The following PHEX variants were observed in gnomAD, a reference collection of about 807,000 sequenced individuals.
PHEX encodes the protein phosphate regulating endopeptidase X-linked.
PHEX carries 16 observed loss-of-function variants against 68.0 expected under a neutral mutation model. That is an observed-to-expected ratio of 0.24 (90% confidence interval 0.16 to 0.36). The LOEUF is 0.36. Among genes scored for constraint, PHEX ranks in the 10% least tolerant of loss-of-function variants. The probability of loss-of-function intolerance (pLI) is 1.00; values close to 1 mark genes in which losing one functional copy is unlikely to be tolerated. For missense variants in PHEX, 480 were observed against 575.5 expected (o/e 0.83, Z 1.70); for synonymous variants, 208 against 205.1 (o/e 1.01, Z -0.12).
chrX:22,143,211 A>G (rs1310069847), intron 12 of PHEX, among the ~76,000 whole-genome samples: 1 of 112,306 alleles, frequency 8.9e-6, no homozygotes, highest in Non-Finnish European at 1.9e-5. Flanking sequence ...ATAAGCTCTC[A>G]TGCTCAATAG....
chrX:22,122,527 C>A (rs1040339765), intron 11 of PHEX, among the ~76,000 whole-genome samples: 6 of 112,072 alleles, frequency 5.4e-5, no homozygotes, highest in Non-Finnish European at 9.4e-5. Context: ...CCAACATGGG[C>A]AAATCAGTTA....
rs772440222 is a variant in PHEX, at chrX:22,107,250, A to G, written c.1080-4217A>G. On this transcript the variant is annotated intron_variant, in intron 9 of 21. Transcript: ENST00000379374. Reference sequence around the variant, plus strand: ...TTCTCAAACCCCAGTATACTTTGCCATACTACATCTTCCACCACCACCATT... The same window carrying G: ...TTCTCAAACCCCAGTATACTTTGCCGTACTACATCTTCCACCACCACCATT... 5.4e-5 allele frequency among the ~76,000 whole-genome samples: 6 copies of G among 112,074 alleles called. No individual in the cohort carries two copies. In the South Asian group the frequency reaches 2.2e-3, roughly 42 times the overall value.
At chrX:22,101,340 A>G (rs923857817) in intron 9 of PHEX, among the ~76,000 whole-genome samples, 15 of 112,317 alleles carry the variant, frequency 1.3e-4, no homozygotes, top group African/African-American at 4.8e-4. Context: ...TTTGCAGACT[A>G]TGGTGATGTT....
At chrX:22,210,383 T>C (rs1168017401) in intron 15 of PHEX, among the ~76,000 whole-genome samples, 2 of 111,800 alleles carry the variant, frequency 1.8e-5, no homozygotes, top group Admixed American at 1.9e-4. Flanking sequence ...TGTAAAGAGG[T>C]TGGCAATGGA....
chrX:22,053,731 C>G (rs1927944038), intron 3 of PHEX, among the ~76,000 whole-genome samples: 1 of 111,926 alleles, frequency 8.9e-6, no homozygotes, highest in Non-Finnish European at 1.9e-5. Context: ...CAGATCATCT[C>G]TATTACGGAA....
chrX:22,119,993 C>T (rs5951700), intron 11 of PHEX, among the ~76,000 whole-genome samples: 7,043 of 111,173 alleles, frequency 0.063, 556 homozygotes, highest in African/African-American at 0.22. Context: ...AAGGTTCCAA[C>T]GAAGGCCAGG....
intron 2 of PHEX, among the ~76,000 whole-genome samples, chrX:22,043,731 T>C (rs178716): frequency 0.2 from 22,199 of 111,249 alleles, 1,789 homozygotes; most frequent in Admixed American, 0.3. Context: ...TTAGGGAGGA[T>C]GCCTCCACCT....
chrX:22,220,537 C>G (rs1486757279), intron 17 of PHEX, among the ~76,000 whole-genome samples: 1 of 111,902 alleles, frequency 8.9e-6, no homozygotes, highest in African/African-American at 3.2e-5. Context: ...TTTCTTCGTT[C>G]TGGACCTCTC....
At chrX:22,112,594 A>G (rs780271586) in intron 10 of PHEX, among the ~76,000 whole-genome samples, 17 of 111,390 alleles carry the variant, frequency 1.5e-4, no homozygotes, top group Non-Finnish European at 2.4e-4. Flanking sequence ...CTTTGACCCT[A>G]TAAAGTCACT....
chrX:22,197,816 A>G lies in PHEX; in HGVS notation c.1645+7314A>G, dbSNP rs1457796731. Among the ~76,000 whole-genome samples the G allele has an allele frequency of 7.2e-5, 8 of 110,568 alleles. No individual in the cohort carries two copies. The Admixed American group carries it at 7.9e-4, about 11-fold the overall frequency. On this transcript the variant is annotated intron_variant, in intron 15 of 21. Coordinates refer to ENST00000379374, the MANE Select transcript of PHEX (RefSeq NM_000444.6). ...ATAACTTTGTGTGGTTTAGTGGTTA[A>G]GGGTGTGAGCTCTGAAGTATGACAG...
At chrX:22,232,134 C>CTGTT (rs764269468) in intron 20 of PHEX, among the ~76,000 whole-genome samples, 7 of 111,676 alleles carry the variant, frequency 6.3e-5, no homozygotes, top group Non-Finnish European at 5.6e-5. Flanking sequence ...GTCTGAGAGA[C>CTGTT]TGTTTGTTAT....
chrX:22,199,426 C>A (rs886724381), intron 15 of PHEX, among the ~76,000 whole-genome samples: 3 of 112,176 alleles, frequency 2.7e-5, no homozygotes, highest in African/African-American at 9.7e-5. Context: ...TACCTATGGG[C>A]AACCAAGTTC....
chrX:22,053,485 A>T (rs1029629038), intron 3 of PHEX, among the ~76,000 whole-genome samples: 6 of 111,727 alleles, frequency 5.4e-5, no homozygotes, highest in Non-Finnish European at 9.4e-5. Context: ...ATTACTTCCT[A>T]TTCTCTCCAA....
At chrX:22,205,815 T>C (rs1451105909) in intron 15 of PHEX, among the ~76,000 whole-genome samples, 3 of 111,994 alleles carry the variant, frequency 2.7e-5, no homozygotes, top group Non-Finnish European at 5.6e-5. Flanking sequence ...AAATTAATGC[T>C]GCAGTAAAGT....
intron 14 of PHEX, among the ~76,000 whole-genome samples, 182 bp downstream of exon 14, chrX:22,178,558 A>G (rs1413736395): frequency 1.8e-5 from 2 of 111,669 alleles, no homozygotes; most frequent in Non-Finnish European, 3.8e-5. Flanking sequence ...TTCAGATCTT[A>G]AGTCTAATTA....
intron 2 of PHEX, among the ~76,000 whole-genome samples, chrX:22,045,174 ATATC>A (rs1927472788): frequency 1.8e-5 from 2 of 111,709 alleles, no homozygotes; most frequent in Non-Finnish European, 1.9e-5. Context: ...GGCTGGAGAA[ATATC>A]TAGCCTTATT....
At chrX:22,148,344 C>T (rs1932764693) in intron 12 of PHEX, among the ~76,000 whole-genome samples, 1 of 111,423 alleles carries the variant, frequency 9.0e-6, no homozygotes, top group Non-Finnish European at 1.9e-5. Flanking sequence ...TCTCAGAAGT[C>T]TCAGAATATA....
intron 12 of PHEX, among the ~76,000 whole-genome samples, chrX:22,136,053 T>TCC (rs1328770188): frequency 2.0e-5 from 2 of 102,282 alleles, no homozygotes; most frequent in East Asian, 3.0e-4. Context: ...TTTTTTTTTT[T>TCC]CCCCTCAAAA....
Position 22,249,455 on chromosome X carries a change from A to AAATATATATATAT in PHEX, c.*1503_*1504insATATATATATATA. 1.7e-3 allele frequency: 69 copies of AAATATATATATAT among 39,726 alleles called. No individual in the cohort carries two copies. The highest frequency in any genetic ancestry group is 2.1e-3 in the Non-Finnish European group (52 of 24,445). The allele number at this position is 39,726 out of a possible 1,213,427, so 3.3% of individuals were successfully genotyped here. A position where few individuals can be genotyped will look rare whatever the true frequency, so the allele number is the denominator to read the frequency against. On this transcript the variant is annotated 3_prime_UTR_variant, in exon 22 of 22. Coordinates refer to ENST00000379374, the MANE Select transcript of PHEX (RefSeq NM_000444.6). ...TTGTGATTCTTTTAAAAAAAAAAAAAATATATATATATATATATATATATA... is the reference window on the plus strand; with the variant it reads ...TTGTGATTCTTTTAAAAAAAAAAAAAAATATATATATATATATATATATATATATATATATATA...
Sources: allele counts gnomAD v4.1 joint callset (sites outside exome capture counted in the v4.1 genomes callset), GRCh38; gene constraint gnomAD v4.1.1; transcripts MANE v1.5; gene names NCBI Gene and HGNC (gene_info 2026-07-23, HGNC 2026-07-21).